SLC6A6: variants seen among roughly 807,000 people sequenced by gnomAD.
SLC6A6 encodes the protein solute carrier family 6 member 6, also known as sodium- and chloride-dependent taurine transporter.
A neutral mutation model predicts 68.8 loss-of-function variants in SLC6A6; 16 were observed. The ratio of observed to expected loss-of-function variants is 0.23; its 90% CI spans 0.16 to 0.35. SLC6A6 has a LOEUF of 0.35. Ranked by LOEUF, SLC6A6 falls within the 10% of genes least tolerant of loss-of-function variation. SLC6A6 has a pLI of 1.00. For synonymous variants in SLC6A6, 312 were observed against 315.4 expected (o/e 0.99, Z 0.12); for missense variants, 474 against 802.8 (o/e 0.59, Z 4.95).
intron 6 of SLC6A6, 111 bp from the exon 7 acceptor site, chr3:14,466,405 C>T: frequency 5.5e-6 from 7 of 1,273,884 alleles, no homozygotes; most frequent in Non-Finnish European, 7.6e-6. Context: ...AAACCTGGCT[C>T]CAGAACTCCT....
At chr3:14,405,194 G>A (rs1699078818) in intron 1 of SLC6A6, among the ~76,000 whole-genome samples, 2 of 152,166 alleles carry the variant, frequency 1.3e-5, no homozygotes, top group Admixed American at 6.5e-5. Context: ...AGGAAAGTGA[G>A]CCTATGGGAC....
intron 3 of SLC6A6, chr3:14,444,820 A>C (rs185396878): frequency 3.1e-5 from 14 of 456,514 alleles, no homozygotes; most frequent in Non-Finnish European, 4.8e-5. Flanking sequence ...AGTTGCCCAC[A>C]GTTTCAAAGG....
chr3:14,436,432 G>T (rs73132932), intron 2 of SLC6A6, among the ~76,000 whole-genome samples: 1 of 151,746 alleles, frequency 6.6e-6, no homozygotes, highest in African/African-American at 2.4e-5. Context: ...TGGAACTCCT[G>T]GCCTCAAGCC....
At chr3:14,404,766 G>A (rs149636539) in intron 1 of SLC6A6, among the ~76,000 whole-genome samples, 22 of 152,314 alleles carry the variant, frequency 1.4e-4, no homozygotes, top group African/African-American at 4.1e-4. Flanking sequence ...AGCCGGGCTC[G>A]GCTGTAGAGC....
rs190097087 is a variant in SLC6A6 at position 14,444,190 on chromosome 3, A to G, written c.229+327A>G. 1.5e-3 allele frequency: 433 copies of G among 288,950 alleles called. 3 individuals carry two copies. Among genetic ancestry groups the G allele is most frequent in the African/African-American group, 8.6e-3 (401 of 46,378 alleles). The allele number at this position is 288,950 out of a possible 1,614,324, so 17.9% of individuals were successfully genotyped here. ...TCTCCCAAGCCCCAGACATTCACAC[A>G]CCTCCTTATCTGTCCGCCATATCTA... On this transcript the variant is annotated intron_variant, in intron 3 of 14. Coordinates refer to ENST00000622186, the MANE Select transcript of SLC6A6 (RefSeq NM_003043.6).
At chr3:14,434,357 C>T (rs112912516) in intron 2 of SLC6A6, among the ~76,000 whole-genome samples, 336 of 152,340 alleles carry the variant, frequency 2.2e-3, no homozygotes, top group African/African-American at 7.5e-3. Flanking sequence ...ATGTCACCTC[C>T]GCAGAGGGGC....
chr3:14,415,045 A>G (rs1699333104), intron 1 of SLC6A6, among the ~76,000 whole-genome samples: 1 of 152,120 alleles, frequency 6.6e-6, no homozygotes, highest in African/African-American at 2.4e-5. Flanking sequence ...AGCAGACATC[A>G]CTAATCCAGC....
chr3:14,405,234 AC>A (rs1699080454), intron 1 of SLC6A6, among the ~76,000 whole-genome samples: 1 of 151,784 alleles, frequency 6.6e-6, no homozygotes, highest in Non-Finnish European at 1.5e-5. Flanking sequence ...GTCCCTAGTT[AC>A]TCATTCTCCC....
rs1559316174 is a variant in SLC6A6 at position 14,481,399 on chromosome 3, C to T, written c.1552-272C>T. On this transcript the variant is annotated intron_variant, in intron 13 of 14. Transcript: ENST00000622186. The surrounding 1 kb of genome is among the most constrained non-coding windows in gnomAD (Gnocchi z 4.7). ...GCAGATGAGGGAGGAAGGGGTACAG[C>T]TTCTGCTGACACTCCCGGCTGCACC... Among the ~76,000 whole-genome samples the T allele has an allele frequency of 6.6e-6, 1 of 152,146 alleles. No individual in the cohort carries two copies. The highest frequency in any genetic ancestry group is 1.9e-4 in the East Asian group (1 of 5,188).
chr3:14,425,515 G>A (rs549626249), intron 2 of SLC6A6, among the ~76,000 whole-genome samples: 1 of 152,162 alleles, frequency 6.6e-6, no homozygotes, highest in Non-Finnish European at 1.5e-5. Flanking sequence ...CAATTAAAAA[G>A]GACGGATTTC....
intron 2 of SLC6A6, among the ~76,000 whole-genome samples, chr3:14,433,953 G>A (rs1699793294): frequency 6.6e-6 from 1 of 152,150 alleles, no homozygotes; most frequent in Non-Finnish European, 1.5e-5. Flanking sequence ...CCCTCACTGG[G>A]GCAGCACAAA....
At chr3:14,433,802 C>CA (rs67806643) in intron 2 of SLC6A6, among the ~76,000 whole-genome samples, 12,693 of 77,258 alleles carry the variant, frequency 0.16, 1,525 homozygotes, top group Non-Finnish European at 0.19. Flanking sequence ...GACTCTGTCT[C>CA]AAAAAAAAAA....
chr3:14,457,903 C>T (rs1700405580), intron 5 of SLC6A6, 47 bp from the exon 6 acceptor site: 2 of 1,606,252 alleles, frequency 1.2e-6, no homozygotes, highest in South Asian at 2.2e-5. Context: ...TCTCTCTACT[C>T]CAGGGCCAGG....
At chr3:14,444,932 T>C in intron 3 of SLC6A6, 1 of 443,934 alleles carries the variant, frequency 2.3e-6, no homozygotes, top group South Asian at 1.6e-5. Flanking sequence ...CCACCGGAGA[T>C]GCCTACCCTC....
rs1699732648 is a variant in SLC6A6 at position 14,431,851 on chromosome 3, T to C, written c.-11-11773T>C. ...TACATCCTCGTCAGGGGGAAAAACATGTTTAAAAGAGGAACAAGGAGGGGG... is the reference window on the plus strand; with the variant it reads ...TACATCCTCGTCAGGGGGAAAAACACGTTTAAAAGAGGAACAAGGAGGGGG... On this transcript the variant is annotated intron_variant, in intron 2 of 14. Transcript: ENST00000622186. Among the ~76,000 whole-genome samples the C allele has an allele frequency of 1.3e-5, 2 of 152,128 alleles. 1 individual carries two copies. The highest frequency in any genetic ancestry group is 4.1e-4 in the South Asian group (2 of 4,820).
In SLC6A6 at chr3:14,445,843, T is replaced by TGTTCTCTG; in HGVS notation, c.359_364+2dup. ...ACCTGCTGGGAAAAGATCTGCCCCT[T>TGTTCTCTG]GTTCTCTGGTGAGTATGGGACGGAG... On this transcript the variant is annotated frameshift_variant, in exon 4 of 15. Transcript: ENST00000622186. LOFTEE classifies it high-confidence loss of function. The TGTTCTCTG allele has an allele frequency of 6.2e-7, 1 of 1,614,242 alleles. No individual in the cohort carries two copies. Among genetic ancestry groups the TGTTCTCTG allele is most frequent in the Non-Finnish European group, 8.5e-7 (1 of 1,180,032 alleles).
chr3:14,459,883 C>CT (rs869191764), intron 6 of SLC6A6, among the ~76,000 whole-genome samples: 2,432 of 39,966 alleles, frequency 0.061, 68 homozygotes, highest in Middle Eastern at 0.095. Flanking sequence ...TAATTCTCTT[C>CT]TTTTTTTTTT....
rs554995929 is a variant in SLC6A6, at chr3:14,481,682, C to T, written c.1563C>T (p.Ile521=). ...ITPVLCVGCF[I]FSLVKYVPLT... ...CCATCTCTCCGCAGGGATGTTTCAT[C>T]TTCTCGCTCGTCAAGTACGTACCCC... The change falls in exon 14 of 15, where the codon ATC becomes ATT. Residue 521 remains isoleucine (I), a synonymous_variant. Transcript: ENST00000622186. This position sits in a 1 kb window ranked among gnomAD's most constrained non-coding sequence, Gnocchi z 4.7. 1 of 1,611,588 alleles carries T rather than the reference C, an allele frequency of 6.2e-7. No individual in the cohort carries two copies. The highest frequency in any genetic ancestry group is 1.1e-5 in the South Asian group (1 of 90,822).
Position 14,474,850 on chromosome 3 carries a change from C to T in SLC6A6, c.1210-2355C>T, listed in dbSNP as rs557249220. 3.9e-5 allele frequency among the ~76,000 whole-genome samples: 6 copies of T among 152,366 alleles called. No individual in the cohort carries two copies. In the East Asian group the frequency reaches 5.8e-4, roughly 15 times the overall value. On this transcript the variant is annotated intron_variant, in intron 10 of 14. Transcript: ENST00000622186. ...CAGAGGCCTCCCGCTGATGTTATTG[C>T]GTCCTGGGCAAGGGAGCAGGGGGTG...
Sources: gnomAD v4.1 joint callset for allele counts (sites outside exome capture counted in the v4.1 genomes callset) on GRCh38, gnomAD v4.1.1 for gene constraint, Gnocchi (gnomAD v3.1) non-coding constraint, MANE v1.5 for transcripts, NCBI Gene and HGNC (gene_info 2026-07-23, HGNC 2026-07-21) for gene names.